Variants in ANKRD30BL observed in about 807,000 individuals in gnomAD.
The protein encoded by ANKRD30BL is ankyrin repeat domain 30B like, also known as putative ankyrin repeat domain-containing protein 30B-like.
Under a neutral mutation model 18.4 loss-of-function variants are expected in ANKRD30BL, and 20 were observed. That is an observed-to-expected ratio of 1.09 (90% confidence interval 0.77 to 1.58). The LOEUF is 1.58. Ranked by LOEUF, ANKRD30BL falls within the 40% of genes most tolerant of loss-of-function variation. The probability of loss-of-function intolerance (pLI) is 0.00; values close to 1 mark genes in which losing one functional copy is unlikely to be tolerated. For synonymous variants in ANKRD30BL, 72 were observed against 100.9 expected, an observed-to-expected ratio of 0.71 and a Z score of 1.72; for missense variants, 224 against 268.6, an observed-to-expected ratio of 0.83 and a Z score of 1.16.
At chr2:132,175,364 C>G (rs1236960640) in intron 1 of ANKRD30BL, among the ~76,000 whole-genome samples, 1 of 152,188 alleles carries the variant, frequency 6.6e-6, no homozygotes, top group Non-Finnish European at 1.5e-5. Context: ...TTATGTTTCT[C>G]TCTGCCCAAA....
intron 1 of ANKRD30BL, among the ~76,000 whole-genome samples, chr2:132,239,593 T>A (rs571284999): frequency 5.5e-4 from 83 of 151,900 alleles, no homozygotes; most frequent in Admixed American, 2.4e-3. Flanking sequence ...AATCTGCAAG[T>A]GGATATGTGG....
At chr2:132,237,773 T>C (rs1455876497) in intron 1 of ANKRD30BL, among the ~76,000 whole-genome samples, 3 of 151,222 alleles carry the variant, frequency 2.0e-5, no homozygotes, top group Non-Finnish European at 4.4e-5. Context: ...AAGCCTATGG[T>C]GAAACAGGAA....
chr2:132,176,713 T>G (rs1280766083), intron 1 of ANKRD30BL, among the ~76,000 whole-genome samples: 1 of 152,074 alleles, frequency 6.6e-6, no homozygotes, highest in African/African-American at 2.4e-5. Flanking sequence ...ATAGCTTGAA[T>G]CTAGGAGACT....
chr2:132,159,652 T>C (rs183103566), intron 1 of ANKRD30BL, among the ~76,000 whole-genome samples: 18 of 152,296 alleles, frequency 1.2e-4, no homozygotes, highest in Admixed American at 9.8e-4. Flanking sequence ...AAAATGACGA[T>C]TTAAAAATCT....
At chr2:132,221,451 C>A (rs538113814) in intron 1 of ANKRD30BL, among the ~76,000 whole-genome samples, 22 of 126,656 alleles carry the variant, frequency 1.7e-4, no homozygotes, top group Non-Finnish European at 2.6e-4. Context: ...CCAGCCACCC[C>A]GTCCGGGAGG....
chr2:132,149,041 C>T (rs1051409669), intron 5 of ANKRD30BL, among the ~76,000 whole-genome samples: 1 of 152,120 alleles, frequency 6.6e-6, no homozygotes, highest in African/African-American at 2.4e-5. Flanking sequence ...ATTATGAGCA[C>T]CTTAAAGACC....
intron 5 of ANKRD30BL, among the ~76,000 whole-genome samples, chr2:132,148,763 T>A (rs573374843): frequency 2.0e-5 from 3 of 152,192 alleles, no homozygotes; most frequent in African/African-American, 4.8e-5. Flanking sequence ...GTGATAATTA[T>A]AAGCTCCCAA....
intron 1 of ANKRD30BL, among the ~76,000 whole-genome samples, chr2:132,182,147 A>G (rs556903583): frequency 1.3e-5 from 2 of 152,008 alleles, no homozygotes; most frequent in Non-Finnish European, 2.9e-5. Context: ...AAATAAAAAA[A>G]TAAGAATTAG....
chr2:132,165,872 C>T (rs1304443137), upstream of ANKRD30BL, among the ~76,000 whole-genome samples: 2 of 147,116 alleles, frequency 1.4e-5, no homozygotes, highest in East Asian at 4.0e-4. Flanking sequence ...GAAAAAAAAA[C>T]AAAAAACAAA....
At chr2:132,198,078 G>C (rs1347432748) in intron 1 of ANKRD30BL, among the ~76,000 whole-genome samples, 6 of 151,826 alleles carry the variant, frequency 4.0e-5, no homozygotes, top group Non-Finnish European at 8.8e-5. Context: ...TACAATCACA[G>C]CTCTTTCCTA....
intron 1 of ANKRD30BL, among the ~76,000 whole-genome samples, chr2:132,255,084 C>T (rs1212985146): frequency 6.6e-6 from 1 of 152,168 alleles, no homozygotes; most frequent in Non-Finnish European, 1.5e-5. Context: ...AGCTGCCCAG[C>T]GGGTCATGGG....
At chr2:132,159,607 A>T (rs1425842411) in intron 1 of ANKRD30BL, among the ~76,000 whole-genome samples, 1 of 152,190 alleles carries the variant, frequency 6.6e-6, no homozygotes. Context: ...AATTATAATT[A>T]GCGGGTTTTT....
At chr2:132,170,101 G>C (rs1688252390) in intron 1 of ANKRD30BL, among the ~76,000 whole-genome samples, 1 of 152,068 alleles carries the variant, frequency 6.6e-6, no homozygotes, top group South Asian at 2.1e-4. Context: ...CAGCTTGTAA[G>C]TGAAATACAT....
chr2:132,166,768 A>T (rs1358111910), upstream of ANKRD30BL, among the ~76,000 whole-genome samples: 1 of 151,088 alleles, frequency 6.6e-6, no homozygotes, highest in Non-Finnish European at 1.5e-5. Context: ...TGTTTCATTG[A>T]TTTTCTCTAT....
At chr2:132,178,406 G>C (rs1490131323) in intron 1 of ANKRD30BL, among the ~76,000 whole-genome samples, 7 of 152,186 alleles carry the variant, frequency 4.6e-5, no homozygotes, top group Non-Finnish European at 1.0e-4. Flanking sequence ...GGGCATGGTA[G>C]GAAATTCCAG....
At chr2:132,210,307 T>C (rs1573844574) in intron 1 of ANKRD30BL, among the ~76,000 whole-genome samples, 1 of 151,806 alleles carries the variant, frequency 6.6e-6, no homozygotes, top group South Asian at 2.1e-4. Flanking sequence ...AACACTCTTT[T>C]TGTAGAATCT....
chr2:132,156,140 T>A (rs1303470708), intron 3 of ANKRD30BL: 1 of 151,894 alleles, frequency 6.6e-6, no homozygotes, highest in Non-Finnish European at 1.5e-5. Context: ...AAGCCATAAA[T>A]CACTTGAATT....
chr2:132,179,599 T>A (rs1688426358), intron 1 of ANKRD30BL, among the ~76,000 whole-genome samples: 1 of 152,144 alleles, frequency 6.6e-6, no homozygotes, highest in Non-Finnish European at 1.5e-5. Context: ...CTTTTTATCA[T>A]GTTTTGAGAG....
At chr2:132,221,756 C>T (rs1679693274) in intron 1 of ANKRD30BL, among the ~76,000 whole-genome samples, 4 of 109,330 alleles carry the variant, frequency 3.7e-5, no homozygotes, top group Admixed American at 3.2e-4. Flanking sequence ...CTCTGCCCGG[C>T]CGCCCCTACT....
Sources: gnomAD v4.1 joint callset for allele counts (sites outside exome capture counted in the v4.1 genomes callset) on GRCh38, gnomAD v4.1.1 for gene constraint, MANE v1.5 for transcripts, NCBI Gene and HGNC (gene_info 2026-07-23, HGNC 2026-07-21) for gene names.